Variants in STX8 observed in about 807,000 individuals in gnomAD.
STX8 encodes the protein syntaxin-8.
A neutral mutation model predicts 37.5 loss-of-function variants in STX8; 23 were observed. The ratio of observed to expected loss-of-function variants is 0.61; its 90% CI spans 0.44 to 0.87. The LOEUF is 0.87. Ranked by LOEUF, STX8 falls within the 40% of genes least tolerant of loss-of-function variation. STX8 has a pLI of 0.00. For missense variants in STX8, 313 were observed against 284.7 expected, an observed-to-expected ratio of 1.10 and a Z score of -0.71; for synonymous variants, 115 against 99.1, an observed-to-expected ratio of 1.16 and a Z score of -0.95.
At chr17:9,433,987 A>C (rs1367013518) in intron 6 of STX8, among the ~76,000 whole-genome samples, 1 of 146,192 alleles carries the variant, frequency 6.8e-6, no homozygotes, top group African/African-American at 2.6e-5. Flanking sequence ...CTAGGGGGTA[A>C]AACGGGCTTT....
At chr17:9,368,635 C>G (rs1297659611) in intron 7 of STX8, among the ~76,000 whole-genome samples, 2 of 152,216 alleles carry the variant, frequency 1.3e-5, no homozygotes, top group Non-Finnish European at 2.9e-5. Flanking sequence ...CAACACTGCA[C>G]ATGCAGGTCT....
chr17:9,559,075 T>C (rs1248752299), intron 2 of STX8, among the ~76,000 whole-genome samples: 1 of 152,074 alleles, frequency 6.6e-6, no homozygotes, highest in African/African-American at 2.4e-5. Context: ...ACCCAGGAAC[T>C]AAATACAAAC....
chr17:9,253,828 A>C (rs1906682505), intron 7 of STX8, among the ~76,000 whole-genome samples: 1 of 152,178 alleles, frequency 6.6e-6, no homozygotes, highest in Admixed American at 6.5e-5. Flanking sequence ...TTATGAGAAG[A>C]GCGGAGCAAG....
intron 7 of STX8, among the ~76,000 whole-genome samples, chr17:9,358,780 G>A (rs1345141338): frequency 6.6e-6 from 1 of 152,202 alleles, no homozygotes; most frequent in Non-Finnish European, 1.5e-5. Flanking sequence ...AGTAATTAAG[G>A]GAGGAAGACT....
Position 9,402,144 on chromosome 17 carries a change from C to T in STX8, c.542-23491G>A, listed in dbSNP as rs926244026. On this transcript the variant is annotated intron_variant, in intron 6 of 7. Transcript: ENST00000306357. ...TTTATTATTATTTGTTTTTAGACAGCGTTTTGCTCTTGTTCCCCAGGCTGG... is the reference window on the plus strand; with the variant it reads ...TTTATTATTATTTGTTTTTAGACAGTGTTTTGCTCTTGTTCCCCAGGCTGG... Among the ~76,000 whole-genome samples the T allele has an allele frequency of 1.9e-4, 29 of 151,586 alleles. No homozygotes were observed. In the East Asian group the frequency reaches 2.9e-3, roughly 15 times the overall value.
intron 6 of STX8, among the ~76,000 whole-genome samples, chr17:9,406,116 A>G (rs1912793133): frequency 6.6e-6 from 1 of 152,102 alleles, no homozygotes; most frequent in South Asian, 2.1e-4. Context: ...TATCCTTATG[A>G]TGGATTTATT....
chr17:9,380,208 G>A (rs892725609), intron 6 of STX8, among the ~76,000 whole-genome samples: 1 of 149,366 alleles, frequency 6.7e-6, no homozygotes, highest in Non-Finnish European at 1.5e-5. Context: ...CTGTGTGACT[G>A]CTGCCTTCTT....
At chr17:9,397,321 G>T (rs113971586) in intron 6 of STX8, among the ~76,000 whole-genome samples, 1 of 152,150 alleles carries the variant, frequency 6.6e-6, no homozygotes, top group African/African-American at 2.4e-5. Flanking sequence ...GCTTGAACCC[G>T]GGAGGGAGAG....
At chr17:9,471,190 C>A (rs1452133307) in intron 6 of STX8, among the ~76,000 whole-genome samples, 3 of 125,934 alleles carry the variant, frequency 2.4e-5, no homozygotes, top group Non-Finnish European at 3.2e-5. Context: ...CTCACTCTGT[C>A]GCCTAGGCTG....
chr17:9,341,145 G>A (rs1308972782), intron 7 of STX8, among the ~76,000 whole-genome samples: 1 of 151,842 alleles, frequency 6.6e-6, no homozygotes, highest in Non-Finnish European at 1.5e-5. Context: ...CATGGAAATG[G>A]AGGTTTTGGC....
chr17:9,374,575 A>G (rs1048432463), intron 7 of STX8, among the ~76,000 whole-genome samples: 7 of 152,174 alleles, frequency 4.6e-5, no homozygotes, highest in African/African-American at 1.4e-4. Context: ...ACCTTCATCG[A>G]CATGCAAAAA....
intron 6 of STX8, among the ~76,000 whole-genome samples, chr17:9,405,178 A>G (rs555540171): frequency 8.8e-4 from 134 of 152,300 alleles, no homozygotes; most frequent in African/African-American, 3.0e-3. Context: ...TAGACTTTCA[A>G]GATGTTCTAT....
intron 6 of STX8, among the ~76,000 whole-genome samples, chr17:9,489,787 G>A (rs993665884): frequency 2.8e-5 from 4 of 142,410 alleles, no homozygotes; most frequent in Non-Finnish European, 4.5e-5. Flanking sequence ...CTCCCAGGTT[G>A]AAGCGATTCT....
intron 4 of STX8, among the ~76,000 whole-genome samples, chr17:9,530,015 T>C (rs1228927044): frequency 2.0e-5 from 3 of 151,738 alleles, no homozygotes; most frequent in Admixed American, 6.6e-5. Flanking sequence ...AAACAAAAAA[T>C]AGCACTGCTA....
At chr17:9,430,409 T>C (rs1023959536) in intron 6 of STX8, among the ~76,000 whole-genome samples, 2 of 151,074 alleles carry the variant, frequency 1.3e-5, no homozygotes, top group Non-Finnish European at 2.9e-5. Context: ...CGGTAACCTC[T>C]AATCTACTTT....
intron 7 of STX8, among the ~76,000 whole-genome samples, chr17:9,260,733 G>A (rs909099772): frequency 6.6e-6 from 1 of 152,210 alleles, no homozygotes; most frequent in Admixed American, 6.5e-5. Context: ...TTGTGCTGAG[G>A]CAACACTGGG....
chr17:9,300,770 G>A (rs1012539784), intron 7 of STX8, among the ~76,000 whole-genome samples: 2 of 150,434 alleles, frequency 1.3e-5, no homozygotes, highest in Admixed American at 6.6e-5. Context: ...TATTGCAGAG[G>A]TTGTGCCTTC....
intron 1 of STX8, among the ~76,000 whole-genome samples, chr17:9,571,545 G>A (rs1182282833): frequency 1.4e-4 from 20 of 146,506 alleles, no homozygotes; most frequent in African/African-American, 4.3e-4. Context: ...GTTGCAGTTT[G>A]CCGAGATTGT....
chr17:9,559,754 A>ATTTT (rs1261471068), intron 2 of STX8, among the ~76,000 whole-genome samples: 11 of 33,544 alleles, frequency 3.3e-4, no homozygotes, highest in African/African-American at 7.0e-4. Context: ...ATATATATAT[A>ATTTT]TATATATTTT....
Sources: allele counts gnomAD v4.1 joint callset (sites outside exome capture counted in the v4.1 genomes callset), GRCh38; gene constraint gnomAD v4.1.1; transcripts MANE v1.5; gene names NCBI Gene and HGNC (gene_info 2026-07-23, HGNC 2026-07-21).